Variants in FN3KRP observed in about 807,000 individuals in gnomAD.
FN3KRP encodes the protein ketosamine-3-kinase.
In FN3KRP, 33 loss-of-function variants were observed where a neutral mutation model predicts 29.8. The observed-to-expected ratio is 1.11, with a 90% CI of 0.84 to 1.48. The LOEUF is 1.48. Ranked by LOEUF, FN3KRP falls within the 40% of genes most tolerant of loss-of-function variation. The pLI, the probability that FN3KRP is intolerant of heterozygous loss-of-function variation, is 0.00. For synonymous variants in FN3KRP, 157 were observed against 155.2 expected (o/e 1.01, Z -0.09); for missense variants, 430 against 402.6 (o/e 1.07, Z -0.58).
chr17:82,721,587 C>A (rs1032918759), intron 3 of FN3KRP, among the ~76,000 whole-genome samples: 4 of 151,988 alleles, frequency 2.6e-5, no homozygotes, highest in Non-Finnish European at 5.9e-5. Context: ...ACTGCAAGCT[C>A]CGCCTCCCGG....
intron 2 of FN3KRP, 110 bp downstream of exon 2, chr17:82,719,167 C>G: frequency 9.3e-7 from 1 of 1,076,202 alleles, no homozygotes; most frequent in Non-Finnish European, 1.4e-6. Flanking sequence ...GCTTTATTAT[C>G]TGAGCAGGTG....
chr17:82,716,748 G>C lies in FN3KRP; in HGVS notation c.-8G>C. 6.7e-7 allele frequency: 1 copy of C among 1,489,546 alleles called. No homozygotes were observed. The highest frequency in any genetic ancestry group is 8.9e-7 in the Non-Finnish European group (1 of 1,126,174). 92.3% of individuals were successfully genotyped at this position (1,489,546 alleles called of 1,614,324 possible). A position where few individuals can be genotyped will look rare whatever the true frequency, so the allele number is the denominator to read the frequency against. Reference sequence around the variant, plus strand: ...GATCCGGGGCGGGTCCGCGGCCGCGGCGGGAACATGGAGGAGCTCCTGAGG... The same window carrying C: ...GATCCGGGGCGGGTCCGCGGCCGCGCCGGGAACATGGAGGAGCTCCTGAGG... On this transcript the variant is annotated 5_prime_UTR_variant, in exon 1 of 6. Coordinates refer to ENST00000269373, the MANE Select transcript of FN3KRP (RefSeq NM_024619.4).
rs1451107001 is a variant in FN3KRP, at chr17:82,720,364, G to T, written c.385+1G>T. 6.2e-7 allele frequency: 1 copy of T among 1,611,890 alleles called. No homozygotes were observed. Among genetic ancestry groups the T allele is most frequent in the Admixed American group, 1.7e-5 (1 of 59,982 alleles). ...CGCCTGAAGGAGGCGGGCACAGTGG[G>T]TATGGCACTGCGCGGGCCACGGGTG... On this transcript the variant is annotated splice_donor_variant, in intron 3 of 5. Transcript: ENST00000269373. LOFTEE classifies it high-confidence loss of function.
chr17:82,724,304 A>G (rs557830185), intron 4 of FN3KRP, among the ~76,000 whole-genome samples: 38 of 151,936 alleles, frequency 2.5e-4, no homozygotes, highest in African/African-American at 8.5e-4. Flanking sequence ...ACAAAGATGA[A>G]AAAGAAAGAA....
At chr17:82,723,510 T>C (rs2046813299) in intron 4 of FN3KRP, among the ~76,000 whole-genome samples, 2 of 151,902 alleles carry the variant, frequency 1.3e-5, no homozygotes, top group African/African-American at 4.8e-5. Flanking sequence ...TGTGTGTGCA[T>C]GTGTGTGTGT....
Position 82,720,280 on chromosome 17 carries a change from C to T in FN3KRP, c.302C>T (p.Ala101Val), listed in dbSNP as rs901910450. The stretch of plus-strand genomic sequence containing the variant: ...GTCGTTTGATTTGACAGTCATGCTG[C>T]AAAGCTTGGAGCCCAGCTGGCCGAT... ...MDMRHLSSHA[A>V]KLGAQLADLH... is the part of the protein sequence containing the mutation. Residue 101 changes from alanine (A) to valine (V), a missense_variant, in exon 3 of 6, where the codon GCA (alanine) becomes GTA (valine). Coordinates refer to ENST00000269373, the MANE Select transcript of FN3KRP (RefSeq NM_024619.4). The T allele has an allele frequency of 2.5e-6, 4 of 1,613,876 alleles. No homozygotes were observed. Among genetic ancestry groups the T allele is most frequent in the Non-Finnish European group, 3.4e-6 (4 of 1,179,876 alleles).
chr17:82,719,329 A>G (rs1442320577), intron 2 of FN3KRP, among the ~76,000 whole-genome samples: 1 of 152,248 alleles, frequency 6.6e-6, no homozygotes, highest in Non-Finnish European at 1.5e-5. Context: ...TACTGGGGAC[A>G]TCATTTTGAG....
chr17:82,722,899 C>T lies in FN3KRP; in HGVS notation c.468+13C>T, dbSNP rs376402941. The T allele has an allele frequency of 1.1e-4, 182 of 1,611,560 alleles. No individual in the cohort carries two copies. The highest frequency in any genetic ancestry group is 3.6e-4 in the East Asian group (16 of 44,812). On this transcript the variant is annotated intron_variant, in intron 4 of 5. Transcript: ENST00000269373. Reference sequence around the variant, plus strand: ...ATACCTCCCCCAGGTGAGTGCACGGCGTTTGCTTCTATTTCACAATCAGGT... The same window carrying T: ...ATACCTCCCCCAGGTGAGTGCACGGTGTTTGCTTCTATTTCACAATCAGGT...
intron 4 of FN3KRP, 129 bp from the exon 5 acceptor site, chr17:82,726,351 C>A (rs2046836778): frequency 1.7e-6 from 2 of 1,162,124 alleles, no homozygotes; most frequent in South Asian, 2.9e-5. Flanking sequence ...CCCTCAGGCT[C>A]CTGTGACTGC....
chr17:82,720,422 G>C (rs1013569148), intron 3 of FN3KRP, 59 bp downstream of exon 3: 1 of 1,427,884 alleles, frequency 7.0e-7, no homozygotes, highest in African/African-American at 1.4e-5. Context: ...CAGCCGGTGT[G>C]GGCTCAGAGC....
At chr17:82,722,555 G>C in intron 3 of FN3KRP, 1 of 469,068 alleles carries the variant, frequency 2.1e-6, no homozygotes. Context: ...CTCGGGAGCA[G>C]CTAGTGTCTT....
At chr17:82,723,670 CATGT>C (rs2046817362) in intron 4 of FN3KRP, among the ~76,000 whole-genome samples, 2 of 151,460 alleles carry the variant, frequency 1.3e-5, no homozygotes, top group South Asian at 2.1e-4. Context: ...TGTGCGCGCA[CATGT>C]ATGTGTGCAG....
intron 4 of FN3KRP, among the ~76,000 whole-genome samples, chr17:82,724,131 A>C (rs534637423): frequency 2.3e-4 from 35 of 151,408 alleles, no homozygotes; most frequent in Admixed American, 2.3e-3. Flanking sequence ...TCTCTCTAGT[A>C]AAAATACAAA....
rs369510772 is a variant in FN3KRP at position 82,721,983 on chromosome 17, C to T, written c.386-821C>T. Among the ~76,000 whole-genome samples, 121 of 142,784 alleles carry T rather than the reference C, an allele frequency of 8.5e-4. 2 individuals carry two copies. Among genetic ancestry groups the T allele is most frequent in the Middle Eastern group, 4.1e-3 (1 of 244 alleles). 93.7% of individuals were successfully genotyped at this position (142,784 alleles called of 152,430 possible). A position where few individuals can be genotyped will look rare whatever the true frequency, so the allele number is the denominator to read the frequency against. The stretch of plus-strand genomic sequence containing the variant: ...CTGAGTAGCTGGGATTACAGGCATG[C>T]GCCACCATGCCCAGCTAATTTTGTA... On this transcript the variant is annotated intron_variant, in intron 3 of 5. Transcript: ENST00000269373.
chr17:82,716,845 C>A lies in FN3KRP; in HGVS notation c.90C>A (p.Ser30Arg). The change falls in exon 1 of 6, where the codon AGC becomes AGA. Residue 30 changes from serine (S) to arginine (R), a missense_variant. Transcript: ENST00000269373. ...SGGGCISQGR[S>R]YDTDQGRVFV... ...GCGGGTGCATCAGCCAGGGCCGGAG[C>A]TACGACACGGATCAAGGACGAGTGT... The A allele has an allele frequency of 6.4e-7, 1 of 1,561,864 alleles. No individual in the cohort carries two copies. The highest frequency in any genetic ancestry group is 8.6e-7 in the Non-Finnish European group (1 of 1,158,802).
chr17:82,727,183 T>C lies in FN3KRP; in HGVS notation c.*12T>C. 1 of 1,607,562 alleles carries C rather than the reference T, an allele frequency of 6.2e-7. No homozygotes were observed. Among genetic ancestry groups the C allele is most frequent in the Non-Finnish European group, 8.5e-7 (1 of 1,175,712 alleles). On this transcript the variant is annotated 3_prime_UTR_variant, in exon 6 of 6. Coordinates refer to ENST00000269373, the MANE Select transcript of FN3KRP (RefSeq NM_024619.4). ...ATCTGGTCAAGTGAGCGGGCCTTAC[T>C]CTGGAAGGAGGCCTCAGAGGTTTCT...
In FN3KRP at chr17:82,716,791, C is replaced by G; in HGVS notation, c.36C>G (p.Ser12Arg). The G allele has an allele frequency of 6.5e-7, 1 of 1,544,742 alleles. No individual in the cohort carries two copies. The highest frequency in any genetic ancestry group is 8.7e-7 in the Non-Finnish European group (1 of 1,152,720). ...EELLRRELGCSSVRATGHSGG... is the reference protein window; with the variant it reads ...EELLRRELGCRSVRATGHSGG... Reference sequence around the variant, plus strand: ...TCCTGAGGCGCGAGCTGGGCTGCAGCTCTGTCAGGGCCACGGGCCACTCGG... The same window carrying G: ...TCCTGAGGCGCGAGCTGGGCTGCAGGTCTGTCAGGGCCACGGGCCACTCGG... Residue 12 changes from serine (S) to arginine (R), a missense_variant, in exon 1 of 6, where the codon AGC becomes AGG. Transcript: ENST00000269373.
At position 82,719,419 on chromosome 17, in the gene FN3KRP, G is replaced by A. The variant is rs369101324; in HGVS notation, c.293+362G>A. On this transcript the variant is annotated intron_variant, in intron 2 of 5. Coordinates refer to ENST00000269373, the MANE Select transcript of FN3KRP (RefSeq NM_024619.4). ...CGGCAGGCACTCTCTGCAACCAAGG[G>A]CAGAAGCAAGAGGAATCTCCCAAAG... Among the ~76,000 whole-genome samples, 29 of 152,346 alleles carry A rather than the reference G, an allele frequency of 1.9e-4. No individual in the cohort carries two copies. In the East Asian group the frequency reaches 3.1e-3, roughly 16 times the overall value.
rs753708144 is a variant in FN3KRP, at chr17:82,722,880, C to A, written c.462C>A (p.Leu154=). The A allele has an allele frequency of 6.2e-7, 1 of 1,613,868 alleles. No individual in the cohort carries two copies. The highest frequency in any genetic ancestry group is 8.5e-7 in the Non-Finnish European group (1 of 1,179,802). ...ACGTGGTGACGTGCTGTGGATACCT[C>A]CCCCAGGTGAGTGCACGGCGTTTGC... is the stretch of plus-strand genomic sequence containing the variant. ...GFDVVTCCGY[L]PQVNDWQEDW... The change falls in exon 4 of 6, where the codon CTC becomes CTA. Residue 154 remains leucine (L), a synonymous_variant. Coordinates refer to ENST00000269373, the MANE Select transcript of FN3KRP (RefSeq NM_024619.4).
Sources: gnomAD v4.1 joint callset for allele counts (sites outside exome capture counted in the v4.1 genomes callset) on GRCh38, gnomAD v4.1.1 for gene constraint, MANE v1.5 for transcripts, NCBI Gene and HGNC (gene_info 2026-07-23, HGNC 2026-07-21) for gene names.